The following ZBTB44 variants were observed in gnomAD, a reference collection of about 807,000 sequenced individuals.
ZBTB44 encodes zinc finger and BTB domain containing 44.
In ZBTB44, 15 loss-of-function variants were observed where a neutral mutation model predicts 54.0. The observed-to-expected ratio is 0.28, with a 90% confidence interval of 0.19 to 0.43. The LOEUF (loss-of-function observed/expected upper bound fraction) is 0.43, where lower values mean the gene tolerates loss of function less well. ZBTB44 is among the 20% of genes least tolerant of loss of function. The pLI is 1.00. For synonymous variants in ZBTB44, 230 were observed against 250.1 expected (o/e 0.92, Z 0.76); for missense variants, 487 against 707.1 (o/e 0.69, Z 3.53).
At chr11:130,257,238 T>TAAAAAA (rs572669481) in intron 2 of ZBTB44, among the ~76,000 whole-genome samples, 72 of 109,282 alleles carry the variant, frequency 6.6e-4, no homozygotes, top group East Asian at 1.5e-3. Context: ...TCCCAGATCT[T>TAAAAAA]AAAAAAAAAA....
intron 2 of ZBTB44, among the ~76,000 whole-genome samples, chr11:130,242,579 CA>C (rs1241391181): frequency 6.6e-6 from 1 of 151,908 alleles, no homozygotes; most frequent in Non-Finnish European, 1.5e-5. Flanking sequence ...ATATATTTTT[CA>C]AATATAATTC....
chr11:130,268,649 G>C (rs7128031), intron 1 of ZBTB44, among the ~76,000 whole-genome samples: 6,421 of 151,966 alleles, frequency 0.042, 402 homozygotes, highest in African/African-American at 0.14. Flanking sequence ...CACTATCTTG[G>C]CTCACTGCAA....
chr11:130,307,647 G>A (rs964565844), intron 1 of ZBTB44, among the ~76,000 whole-genome samples: 18 of 152,132 alleles, frequency 1.2e-4, no homozygotes, highest in African/African-American at 3.1e-4. Context: ...TACCACAACC[G>A]TCCCATATTA....
rs981455205 is a variant in ZBTB44, at chr11:130,229,385, T to C, written c.*2379A>G. On this transcript the variant is annotated 3_prime_UTR_variant, in exon 8 of 8. Coordinates refer to ENST00000357899, the MANE Select transcript of ZBTB44 (RefSeq NM_001301098.2). ...ATCTCAACTTATCTATCGTCTAAAA[T>C]GAAACATCCAGAGAGCGACTGTTCT... The C allele has an allele frequency of 1.3e-5, 2 of 152,164 alleles. No homozygotes were observed. Among genetic ancestry groups the C allele is most frequent in the Admixed American group, 6.6e-5 (1 of 15,256 alleles). The allele number at this position is 152,164 out of a possible 1,614,324, so 9.4% of individuals were successfully genotyped here. A position where few individuals can be genotyped will look rare whatever the true frequency, so the allele number is the denominator to read the frequency against.
chr11:130,297,348 T>C (rs1941710974), intron 1 of ZBTB44, among the ~76,000 whole-genome samples: 1 of 152,256 alleles, frequency 6.6e-6, no homozygotes, highest in South Asian at 2.1e-4. Context: ...CACAAATGTA[T>C]GTTACTGTTT....
intron 1 of ZBTB44, among the ~76,000 whole-genome samples, chr11:130,265,233 A>AT (rs919772187): frequency 3.3e-5 from 5 of 151,066 alleles, no homozygotes; most frequent in Non-Finnish European, 7.4e-5. Flanking sequence ...TTCTCACTTT[A>AT]TTTTTTTTTA....
chr11:130,281,487 T>TCC (rs1391816728), intron 1 of ZBTB44, among the ~76,000 whole-genome samples: 4 of 151,604 alleles, frequency 2.6e-5, no homozygotes, highest in African/African-American at 9.7e-5. Context: ...GCTACTGCAC[T>TCC]CTAGCCTGGG....
chr11:130,305,417 C>T (rs1332608540), intron 1 of ZBTB44, among the ~76,000 whole-genome samples: 2 of 152,102 alleles, frequency 1.3e-5, no homozygotes, highest in South Asian at 2.1e-4. Flanking sequence ...GCATGTAGAC[C>T]GATGGAACAG....
intron 1 of ZBTB44, among the ~76,000 whole-genome samples, chr11:130,275,170 T>C (rs149358553): frequency 3.9e-5 from 6 of 152,294 alleles, no homozygotes; most frequent in Non-Finnish European, 8.8e-5. Context: ...GTTTGCTCTT[T>C]TTCCAGTGTC....
rs746171527 is a variant in ZBTB44 at position 130,261,072 on chromosome 11, C to A, written c.802G>T (p.Asp268Tyr). The change falls in exon 2 of 8, where the codon GAT (aspartate) becomes TAT (tyrosine). Residue 268 changes from aspartate to tyrosine, a missense_variant. Coordinates refer to ENST00000357899, the MANE Select transcript of ZBTB44 (RefSeq NM_001301098.2). The surrounding 1 kb of genome is among the most constrained non-coding windows in gnomAD (Gnocchi z 4.8). ...GPSETGRRMA[D>Y]YVTCESTKTT... ...TTTGTGCTCTCACAAGTCACATAAT[C>A]AGCCATTCTTCTACCGGTCTCAGAT... 6.2e-7 allele frequency: 1 copy of A among 1,614,004 alleles called. No homozygotes were observed. Among genetic ancestry groups the A allele is most frequent in the South Asian group, 1.1e-5 (1 of 91,080 alleles).
chr11:130,261,115 A>G lies in ZBTB44; in HGVS notation c.759T>C (p.Thr253=). The G allele has an allele frequency of 1.2e-6, 2 of 1,614,032 alleles. No homozygotes were observed. Among genetic ancestry groups the G allele is most frequent in the Non-Finnish European group, 1.7e-6 (2 of 1,179,902 alleles). Residue 253 remains threonine, a synonymous_variant, in exon 2 of 8, where the codon ACT becomes ACC. Transcript: ENST00000357899. The surrounding 1 kb of genome is among the most constrained non-coding windows in gnomAD (Gnocchi z 4.8). ...TCTCAGATGGGCCAGGTAATTCTAAAGTCCGGGTATTTTCTGCTTGCTTAA... is the reference window on the plus strand; with the variant it reads ...TCTCAGATGGGCCAGGTAATTCTAAGGTCCGGGTATTTTCTGCTTGCTTAA... ...EKVKQAENTR[T]LELPGPSETG... is the part of the protein sequence containing the mutation.
At chr11:130,293,957 T>G (rs751362994) in intron 1 of ZBTB44, among the ~76,000 whole-genome samples, 1 of 152,154 alleles carries the variant, frequency 6.6e-6, no homozygotes, top group Non-Finnish European at 1.5e-5. Context: ...TCAGAAACAT[T>G]AAATGATTAG....
chr11:130,239,221 T>C (rs916937489), intron 3 of ZBTB44: 2 of 152,578 alleles, frequency 1.3e-5, no homozygotes, highest in African/African-American at 4.8e-5. Context: ...GGGATAATGA[T>C]GATGCTTACT....
At chr11:130,292,170 G>A (rs759016876) in intron 1 of ZBTB44, among the ~76,000 whole-genome samples, 9 of 152,160 alleles carry the variant, frequency 5.9e-5, no homozygotes, top group African/African-American at 9.7e-5. Context: ...TTTAATTGTT[G>A]ATAGACTTGA....
chr11:130,276,700 A>G (rs1940130000), intron 1 of ZBTB44, among the ~76,000 whole-genome samples: 1 of 152,178 alleles, frequency 6.6e-6, no homozygotes, highest in African/African-American at 2.4e-5. Context: ...GAGTGCTGGG[A>G]TTACAGGTGT....
At chr11:130,269,306 T>TTAAC (rs1939501957) in intron 1 of ZBTB44, among the ~76,000 whole-genome samples, 1 of 151,844 alleles carries the variant, frequency 6.6e-6, no homozygotes, top group Admixed American at 6.6e-5. Context: ...AATTAATTAA[T>TTAAC]CTCATTTATC....
At chr11:130,292,729 T>G (rs1210432149) in intron 1 of ZBTB44, among the ~76,000 whole-genome samples, 1 of 152,200 alleles carries the variant, frequency 6.6e-6, no homozygotes, top group Non-Finnish European at 1.5e-5. Flanking sequence ...GCAGGAAACC[T>G]GTTAAAACAA....
chr11:130,298,489 G>A (rs1478425012), intron 1 of ZBTB44, among the ~76,000 whole-genome samples: 2 of 125,954 alleles, frequency 1.6e-5, no homozygotes, highest in Non-Finnish European at 3.2e-5. Flanking sequence ...TAAAGACTGA[G>A]TCTCGCTCTG....
intron 4 of ZBTB44, among the ~76,000 whole-genome samples, chr11:130,237,494 ACT>A (rs1328686380): frequency 6.6e-6 from 1 of 152,150 alleles, no homozygotes; most frequent in Non-Finnish European, 1.5e-5. Flanking sequence ...ATCAGTACCT[ACT>A]CTCTGTTCCC....
Sources: allele counts gnomAD v4.1 joint callset (sites outside exome capture counted in the v4.1 genomes callset), GRCh38; gene constraint gnomAD v4.1.1; non-coding constraint Gnocchi (gnomAD v3.1); transcripts MANE v1.5; gene names NCBI Gene and HGNC (gene_info 2026-07-23, HGNC 2026-07-21).